Variants in ELF5 observed in about 807,000 individuals in gnomAD.
ELF5 encodes E74 like ETS transcription factor 5.
In ELF5, 31 loss-of-function variants were observed where a neutral mutation model predicts 38.2. The ratio of observed to expected loss-of-function variants is 0.81; its 90% CI spans 0.61 to 1.10. The LOEUF is 1.10. Among genes scored for constraint, ELF5 ranks in the 50% least tolerant of loss-of-function variants. The pLI, the probability that ELF5 is intolerant of heterozygous loss-of-function variation, is 0.00. For missense variants in ELF5, 300 were observed against 306.6 expected (o/e 0.98, Z 0.16); for synonymous variants, 121 against 112.5 (o/e 1.08, Z -0.48).
chr11:34,480,408 C>G, intron 6 of ELF5, 94 bp from the exon 7 acceptor site: 2 of 994,402 alleles, frequency 2.0e-6, no homozygotes, highest in Non-Finnish European at 3.1e-6. Flanking sequence ...TCTCAGGTGA[C>G]AAGGCTGGTC....
intron 1 of ELF5, chr11:34,511,793 C>T: frequency 1.8e-6 from 1 of 570,354 alleles, no homozygotes; most frequent in Non-Finnish European, 3.1e-6. Flanking sequence ...GAGCAAACCA[C>T]TCAGCCTTGG....
chr11:34,480,394 T>G, intron 6 of ELF5, 80 bp from the exon 7 acceptor site: 2 of 1,110,058 alleles, frequency 1.8e-6, no homozygotes, highest in Non-Finnish European at 2.7e-6. Flanking sequence ...TGTCTCCTCA[T>G]TCCTCTCAGG....
At chr11:34,511,872 TGACCAAAAA>T in intron 1 of ELF5, 1 of 430,572 alleles carries the variant, frequency 2.3e-6, no homozygotes, top group Non-Finnish European at 4.2e-6. Context: ...TCTGGGCATG[TGACCAAAAA>T]TTGGCCCAAT....
chr11:34,482,403 A>T, intron 5 of ELF5, 28 bp downstream of exon 5: 1 of 1,600,610 alleles, frequency 6.2e-7, no homozygotes. Context: ...TTAAGAAATT[A>T]GAATGAAAAC....
chr11:34,496,844 C>G (rs1237085443), intron 2 of ELF5, among the ~76,000 whole-genome samples: 1 of 152,098 alleles, frequency 6.6e-6, no homozygotes, highest in Admixed American at 6.6e-5. Context: ...TAAGGTCACG[C>G]GGCCTGTCAG....
At chr11:34,513,158 G>C (rs1176518467) in intron 1 of ELF5, among the ~76,000 whole-genome samples, 1 of 152,202 alleles carries the variant, frequency 6.6e-6, no homozygotes, top group Non-Finnish European at 1.5e-5. Context: ...AGATGTCAGA[G>C]GGCAAATGGG....
intron 2 of ELF5, 96 bp downstream of exon 2, chr11:34,505,533 C>T: frequency 6.4e-7 from 1 of 1,572,230 alleles, no homozygotes; most frequent in Non-Finnish European, 8.6e-7. Context: ...TGTTCCTAGG[C>T]CCCAGCACAG....
At chr11:34,509,192 T>A (rs1850691387) in intron 1 of ELF5, among the ~76,000 whole-genome samples, 1 of 152,126 alleles carries the variant, frequency 6.6e-6, no homozygotes, top group Non-Finnish European at 1.5e-5. Flanking sequence ...TAGCTGGGCA[T>A]GGTGGTGCAC....
At chr11:34,489,164 C>T (rs989663377) in intron 4 of ELF5, among the ~76,000 whole-genome samples, 73 of 152,330 alleles carry the variant, frequency 4.8e-4, no homozygotes, top group African/African-American at 1.5e-3. Context: ...AAAAACAAAA[C>T]GAAAAACGAA....
In ELF5 at chr11:34,484,816, G is replaced by T. The variant is rs1358682699; in HGVS notation, c.407-2317C>A. On this transcript the variant is annotated intron_variant, in intron 4 of 6. Transcript: ENST00000257832. ...TTTTTCCCTTCCCTTAGGTCAAATG[G>T]TTCCATTGAGGCAAGGCTTTCTTCT... 2.0e-5 allele frequency among the ~76,000 whole-genome samples: 3 copies of T among 152,004 alleles called. No homozygotes were observed. The East Asian group carries it at 5.8e-4, about 29-fold the overall frequency.
intron 2 of ELF5, among the ~76,000 whole-genome samples, chr11:34,496,455 C>G (rs1850323984): frequency 6.6e-6 from 1 of 152,198 alleles, no homozygotes; most frequent in Non-Finnish European, 1.5e-5. Context: ...ACGAGGGACG[C>G]CGCTGTCAGC....
At chr11:34,495,165 AGATG>A (rs1850286496) in intron 2 of ELF5, among the ~76,000 whole-genome samples, 1 of 152,222 alleles carries the variant, frequency 6.6e-6, no homozygotes, top group South Asian at 2.1e-4. Flanking sequence ...CACAGAGCAG[AGATG>A]GAACGTGAAG....
chr11:34,511,585 CA>C, intron 1 of ELF5: 1 of 1,614,192 alleles, frequency 6.2e-7, no homozygotes, highest in Non-Finnish European at 8.5e-7. Context: ...CTGAGGTCCC[CA>C]GATGCCTCCA....
At chr11:34,505,375 G>A (rs1283416008) in intron 2 of ELF5, among the ~76,000 whole-genome samples, 1 of 152,182 alleles carries the variant, frequency 6.6e-6, no homozygotes, top group Non-Finnish European at 1.5e-5. Context: ...GCAGCAAAAC[G>A]AGGCTCAGAG....
intron 3 of ELF5, among the ~76,000 whole-genome samples, chr11:34,490,328 C>T (rs1308633394): frequency 6.6e-6 from 1 of 152,208 alleles, no homozygotes; most frequent in Non-Finnish European, 1.5e-5. Context: ...TCTGAGCAGG[C>T]ACTGGGGAGT....
At position 34,493,056 on chromosome 11, in the gene ELF5, GATGAA is replaced by G. The variant is rs1193633758; in HGVS notation, c.355+418_355+422del. The stretch of plus-strand genomic sequence containing the variant: ...CTTGATCCTTGACCATTAGGAATGT[GATGAA>G]ATGATAATTAGTTGGACTCCTGTAG... On this transcript the variant is annotated intron_variant, in intron 3 of 6. Transcript: ENST00000257832. The G allele has an allele frequency of 1.2e-4, 32 of 261,282 alleles. No individual in the cohort carries two copies. In the East Asian group the frequency reaches 2.3e-3, roughly 19 times the overall value. The allele number at this position is 261,282 out of a possible 1,614,324, so 16.2% of individuals were successfully genotyped here.
At chr11:34,496,852 C>G (rs965334335) in intron 2 of ELF5, among the ~76,000 whole-genome samples, 1 of 152,144 alleles carries the variant, frequency 6.6e-6, no homozygotes, top group African/African-American at 2.4e-5. Context: ...CGCGGCCTGT[C>G]AGTAAAGGAG....
rs886703837 is a variant in ELF5, at chr11:34,499,144, G to A, written c.122-5432C>T. The stretch of plus-strand genomic sequence containing the variant: ...GTCCTTTGGCCATCTCTTCCAAATG[G>A]ATTGTTGTCCCTAAGCCCTTCCTAT... On this transcript the variant is annotated intron_variant, in intron 2 of 6. Coordinates refer to ENST00000257832, the MANE Select transcript of ELF5 (RefSeq NM_001422.4). Among the ~76,000 whole-genome samples the A allele has an allele frequency of 7.2e-5, 11 of 152,002 alleles. 1 individual carries two copies. Among genetic ancestry groups the A allele is most frequent in the Admixed American group, 7.2e-4 (11 of 15,254 alleles).
chr11:34,480,008 GAGA>G lies in ELF5; in HGVS notation c.*207_*209del, dbSNP rs1176378671. 4 of 570,354 alleles carry G rather than the reference GAGA, an allele frequency of 7.0e-6. No individual in the cohort carries two copies. In the African/African-American group the frequency reaches 7.6e-5, roughly 11 times the overall value. 35.3% of individuals were successfully genotyped at this position (570,354 alleles called of 1,614,324 possible). A position where few individuals can be genotyped will look rare whatever the true frequency, so the allele number is the denominator to read the frequency against. ...AAGATCATCCCCTCATCCCCTTAGGGAGAAGAAAGGATTTCTTAAGAGTTTCTG... is the reference window on the plus strand; with the variant it reads ...AAGATCATCCCCTCATCCCCTTAGGGAGAAAGGATTTCTTAAGAGTTTCTG... On this transcript the variant is annotated 3_prime_UTR_variant, in exon 7 of 7. Transcript: ENST00000257832.
Sources: allele counts gnomAD v4.1 joint callset (sites outside exome capture counted in the v4.1 genomes callset), GRCh38; gene constraint gnomAD v4.1.1; transcripts MANE v1.5; gene names NCBI Gene and HGNC (gene_info 2026-07-23, HGNC 2026-07-21).